SHISA6: variants seen among roughly 807,000 people sequenced by gnomAD.
SHISA6 encodes protein shisa-6.
In SHISA6, 22 loss-of-function variants were observed where a neutral mutation model predicts 47.9. The ratio of observed to expected loss-of-function variants is 0.46; its 90% confidence interval spans 0.33 to 0.66. The LOEUF (loss-of-function observed/expected upper bound fraction) is 0.66, where lower values mean the gene tolerates loss of function less well. Ranked by LOEUF, SHISA6 falls within the 30% of genes least tolerant of loss-of-function variation. SHISA6 has a pLI of 0.02. For synonymous variants in SHISA6, 388 were observed against 337.8 expected (o/e 1.15, Z -1.63); for missense variants, 680 against 764.6 (o/e 0.89, Z 1.30).
intron 3 of SHISA6, among the ~76,000 whole-genome samples, chr17:11,460,833 C>T (rs1212995700): frequency 1.3e-5 from 2 of 152,186 alleles, no homozygotes; most frequent in African/African-American, 2.4e-5. Flanking sequence ...GCCACTGGCC[C>T]CAGGGCCTAG....
chr17:11,471,621 C>T (rs754999646), intron 3 of SHISA6, among the ~76,000 whole-genome samples: 12 of 152,144 alleles, frequency 7.9e-5, no homozygotes, highest in Non-Finnish European at 1.2e-4. Flanking sequence ...ACTCTTAGGA[C>T]ATCTTCCTGT....
chr17:11,373,886 T>C (rs73975348), intron 2 of SHISA6, among the ~76,000 whole-genome samples: 2,781 of 152,328 alleles, frequency 0.018, 74 homozygotes, highest in African/African-American at 0.052. Flanking sequence ...TATCTCCTTA[T>C]GCACGTGTGA....
chr17:11,263,215 C>A (rs1044026668), intron 1 of SHISA6, 151 bp from the exon 2 acceptor site: 7 of 786,410 alleles, frequency 8.9e-6, no homozygotes, highest in African/African-American at 8.7e-5. Flanking sequence ...GAGACCAACA[C>A]CAGATGTAGC....
rs1006868918 is a variant in SHISA6 at position 11,558,485 on chromosome 17, C to T, written c.*181C>T. The T allele has an allele frequency of 4.6e-6, 3 of 654,118 alleles. No individual in the cohort carries two copies. The highest frequency in any genetic ancestry group is 1.8e-5 in the African/African-American group (1 of 54,800). The allele number at this position is 654,118 out of a possible 1,614,324, so 40.5% of individuals were successfully genotyped here. ...GGGGACACAGCCCCGATGGCCTGGTCCAATACACTTAGACCCAGGACCAAG... is the reference window on the plus strand; with the variant it reads ...GGGGACACAGCCCCGATGGCCTGGTTCAATACACTTAGACCCAGGACCAAG... On this transcript the variant is annotated 3_prime_UTR_variant, in exon 6 of 6. Coordinates refer to ENST00000441885, the MANE Select transcript of SHISA6 (RefSeq NM_207386.4).
At chr17:11,370,333 G>A (rs778504334) in intron 2 of SHISA6, among the ~76,000 whole-genome samples, 21 of 152,038 alleles carry the variant, frequency 1.4e-4, no homozygotes, top group Admixed American at 4.6e-4. Flanking sequence ...CAATTACAAC[G>A]GGTGAGTTGA....
At chr17:11,504,699 A>G (rs2071483617) in intron 3 of SHISA6, among the ~76,000 whole-genome samples, 1 of 152,204 alleles carries the variant, frequency 6.6e-6, no homozygotes, top group Non-Finnish European at 1.5e-5. Context: ...GGGTCAACTC[A>G]GCAGGGATGC....
intron 3 of SHISA6, among the ~76,000 whole-genome samples, chr17:11,466,327 G>T (rs1335408979): frequency 6.6e-6 from 1 of 152,182 alleles, no homozygotes; most frequent in Non-Finnish European, 1.5e-5. Context: ...GGTCAGGAAG[G>T]AATACAAGGA....
chr17:11,348,272 T>C (rs72807108), intron 2 of SHISA6, among the ~76,000 whole-genome samples: 1 of 152,148 alleles, frequency 6.6e-6, no homozygotes, highest in African/African-American at 2.4e-5. Context: ...TATTTGTTTA[T>C]GTAAACAGGG....
chr17:11,295,076 G>A (rs1909699942), intron 2 of SHISA6, among the ~76,000 whole-genome samples: 1 of 152,228 alleles, frequency 6.6e-6, no homozygotes, highest in South Asian at 2.1e-4. Context: ...TGGACAAAGA[G>A]ATGATTCACG....
chr17:11,293,478 G>A (rs963466981), intron 2 of SHISA6, among the ~76,000 whole-genome samples: 8 of 152,196 alleles, frequency 5.3e-5, no homozygotes, highest in African/African-American at 1.9e-4. Flanking sequence ...GAACATTAAA[G>A]TAACCTAGTA....
At chr17:11,481,529 G>A (rs1364380349) in intron 3 of SHISA6, among the ~76,000 whole-genome samples, 5 of 149,944 alleles carry the variant, frequency 3.3e-5, no homozygotes, top group Admixed American at 1.3e-4. Flanking sequence ...GTCTCGCTCC[G>A]TCGCCCAGGC....
intron 2 of SHISA6, among the ~76,000 whole-genome samples, chr17:11,357,062 C>G (rs980644487): frequency 6.6e-6 from 1 of 151,948 alleles, no homozygotes; most frequent in South Asian, 2.1e-4. Context: ...GCAGGCACCA[C>G]CTGTAATCCC....
chr17:11,506,991 G>A (rs960291988), intron 3 of SHISA6, among the ~76,000 whole-genome samples: 3 of 152,120 alleles, frequency 2.0e-5, no homozygotes, highest in Non-Finnish European at 4.4e-5. Context: ...GTCTAGGCAC[G>A]TTGAGGCCAT....
chr17:11,380,923 C>T lies in SHISA6; in HGVS notation c.895+1414C>T, dbSNP rs1041594134. On this transcript the variant is annotated intron_variant, in intron 3 of 5. Coordinates refer to ENST00000441885, the MANE Select transcript of SHISA6 (RefSeq NM_207386.4). ...GCTGAGTGTCTTCACTGCATGGTGC[C>T]TGGATTTCCTCAGGGTGGGTAATCA... is the stretch of plus-strand genomic sequence containing the variant. 3.9e-5 allele frequency among the ~76,000 whole-genome samples: 6 copies of T among 152,304 alleles called. No individual in the cohort carries two copies. In the East Asian group the frequency reaches 1.2e-3, roughly 29 times the overall value.
At chr17:11,534,568 T>C (rs2071769084) in intron 3 of SHISA6, among the ~76,000 whole-genome samples, 1 of 152,094 alleles carries the variant, frequency 6.6e-6, no homozygotes. Context: ...TAACACAATG[T>C]AGAAAGTGGT....
At chr17:11,256,441 A>G (rs1423723264) in intron 1 of SHISA6, among the ~76,000 whole-genome samples, 2 of 152,196 alleles carry the variant, frequency 1.3e-5, no homozygotes, top group South Asian at 2.1e-4. Context: ...GGTTGCAGTG[A>G]ACTGAGATCA....
intron 2 of SHISA6, among the ~76,000 whole-genome samples, chr17:11,337,697 G>C (rs190457761): frequency 5.3e-4 from 80 of 152,264 alleles, no homozygotes; most frequent in African/African-American, 1.9e-3. Flanking sequence ...GGTGCACTAA[G>C]ATCCTTCTCA....
At chr17:11,415,895 T>C (rs1051115262) in intron 3 of SHISA6, among the ~76,000 whole-genome samples, 2 of 152,204 alleles carry the variant, frequency 1.3e-5, no homozygotes, top group African/African-American at 4.8e-5. Flanking sequence ...AAAAAAGACA[T>C]TAATTTATCA....
chr17:11,406,114 T>C (rs921698324), intron 3 of SHISA6, among the ~76,000 whole-genome samples: 1 of 152,198 alleles, frequency 6.6e-6, no homozygotes, highest in Non-Finnish European at 1.5e-5. Flanking sequence ...AGTTGTTGGT[T>C]AATGGCTTCT....
Sources: allele counts gnomAD v4.1 joint callset (sites outside exome capture counted in the v4.1 genomes callset), GRCh38; gene constraint gnomAD v4.1.1; transcripts MANE v1.5; gene names NCBI Gene and HGNC (gene_info 2026-07-23, HGNC 2026-07-21).